The following RGL1 variants were observed in gnomAD, a reference collection of about 807,000 sequenced individuals.
RGL1 encodes ral guanine nucleotide dissociation stimulator-like 1.
RGL1 carries 24 observed loss-of-function variants against 95.2 expected under a neutral mutation model. The ratio of observed to expected loss-of-function variants is 0.25; its 90% CI spans 0.18 to 0.35. The LOEUF (loss-of-function observed/expected upper bound fraction) is 0.35, where lower values mean the gene tolerates loss of function less well. RGL1 is among the 10% of genes least tolerant of loss of function. RGL1 has a pLI of 1.00. For synonymous variants in RGL1, 329 were observed against 344.9 expected (o/e 0.95, Z 0.51); for missense variants, 715 against 936.3 (o/e 0.76, Z 3.08).
intron 1 of RGL1, among the ~76,000 whole-genome samples, chr1:183,740,350 G>A (rs1657213018): frequency 6.6e-6 from 1 of 152,100 alleles, no homozygotes; most frequent in African/African-American, 2.4e-5. Context: ...GATGGTTTTG[G>A]TTATCAGTTT....
upstream of RGL1, among the ~76,000 whole-genome samples, chr1:183,801,945 C>T (rs569969874): frequency 6.6e-6 from 1 of 152,210 alleles, no homozygotes; most frequent in South Asian, 2.1e-4. Context: ...ATGATCCAGA[C>T]ACCTCCCATT....
chr1:183,908,390 G>A (rs569720803), intron 14 of RGL1, among the ~76,000 whole-genome samples: 13 of 152,170 alleles, frequency 8.5e-5, no homozygotes, highest in Non-Finnish European at 1.6e-4. Context: ...TGATATGGGT[G>A]GTATGAGGCA....
At position 183,770,625 on chromosome 1, in the gene RGL1, C is replaced by G. The variant is rs142683318; in HGVS notation, c.132+28336C>G. On this transcript the variant is annotated intron_variant, in intron 2 of 18. Coordinates refer to the RGL1 transcript ENST00000304685. ...TTTATGTGGCAAGGAAGAAATGTAA[C>G]CATATGTGGGAAAACAGGAATTAGG... 8.8e-3 allele frequency among the ~76,000 whole-genome samples: 1,337 copies of G among 152,126 alleles called. 3 individuals carry two copies. The highest frequency in any genetic ancestry group is 0.014 in the Admixed American group (214 of 15,278).
chr1:183,657,371 T>C (rs1479347503), intron 1 of RGL1, among the ~76,000 whole-genome samples: 28 of 152,338 alleles, frequency 1.8e-4, no homozygotes, highest in African/African-American at 6.5e-4. Flanking sequence ...ACATGTGCCA[T>C]GTTGGTGTGC....
chr1:183,710,112 CT>C, intron 1 of RGL1: 1 of 193,136 alleles, frequency 5.2e-6, no homozygotes, highest in South Asian at 8.7e-5. Context: ...CTATGTGCCA[CT>C]TTCACTCTAC....
intron 2 of RGL1, among the ~76,000 whole-genome samples, chr1:183,790,899 T>C (rs1210583296): frequency 1.4e-5 from 2 of 142,862 alleles, no homozygotes; most frequent in African/African-American, 2.6e-5. Context: ...TATACACACA[T>C]AGCACAGATA....
intron 4 of RGL1, among the ~76,000 whole-genome samples, chr1:183,872,096 C>T (rs764737918): frequency 1.3e-5 from 2 of 152,212 alleles, no homozygotes; most frequent in African/African-American, 2.4e-5. Context: ...TCATTCTACC[C>T]GTGCCCTTTT....
rs189357424 is a variant in RGL1 at position 183,827,371 on chromosome 1, A to G, written c.139-20195A>G. Among the ~76,000 whole-genome samples the G allele has an allele frequency of 2.9e-3, 449 of 152,360 alleles. 3 individuals are homozygous for G. Among genetic ancestry groups the G allele is most frequent in the African/African-American group, 0.01 (432 of 41,590 alleles). On this transcript the variant is annotated intron_variant, in intron 2 of 17. Coordinates refer to ENST00000360851, the MANE Select transcript of RGL1 (RefSeq NM_001297671.3). ...TAACCCAAAGGTGTGGAATTAACCC[A>G]AAGGTGTGGAGCTACAGAGAAATAT...
rs1665396282 is a variant in RGL1, at chr1:183,859,854, G to A, written c.348-6142G>A. On this transcript the variant is annotated intron_variant, in intron 3 of 17. Transcript: ENST00000360851. ...TGGTAACAAGACCTTTCCAAGGTAG[G>A]CTTGGTGGCTGTGACCCAGTTCTCA... Among the ~76,000 whole-genome samples the A allele has an allele frequency of 2.0e-5, 3 of 152,302 alleles. No individual in the cohort carries two copies. The South Asian group carries it at 6.2e-4, about 32-fold the overall frequency.
intron 16 of RGL1, among the ~76,000 whole-genome samples, 159 bp downstream of exon 16, chr1:183,916,860 C>G (rs747634583): frequency 3.3e-5 from 5 of 152,068 alleles, no homozygotes; most frequent in Non-Finnish European, 7.4e-5. Flanking sequence ...CCAGGTCTCC[C>G]TGGGCATAGA....
In RGL1 at chr1:183,734,595, T is replaced by C. The variant is rs906828365; in HGVS notation, c.-32-7531T>C. On this transcript the variant is annotated intron_variant, in intron 1 of 18. Coordinates refer to the RGL1 transcript ENST00000304685. ...CTTGATAAAAATTAGCCTGTGACTATTGAACTGGATGATGCTCTCCTAATG... is the reference window on the plus strand; with the variant it reads ...CTTGATAAAAATTAGCCTGTGACTACTGAACTGGATGATGCTCTCCTAATG... 3.9e-5 allele frequency among the ~76,000 whole-genome samples: 6 copies of C among 152,338 alleles called. No homozygotes were observed. In the East Asian group the frequency reaches 5.8e-4, roughly 15 times the overall value.
At chr1:183,688,230 A>G (rs1279901974) in intron 1 of RGL1, among the ~76,000 whole-genome samples, 1 of 152,164 alleles carries the variant, frequency 6.6e-6, no homozygotes, top group Non-Finnish European at 1.5e-5. Flanking sequence ...GTGGTCCCAG[A>G]ACTCCAATGG....
chr1:183,900,394 C>A (rs1667947168), intron 11 of RGL1, among the ~76,000 whole-genome samples, 158 bp downstream of exon 11: 1 of 152,164 alleles, frequency 6.6e-6, no homozygotes, highest in African/African-American at 2.4e-5. Flanking sequence ...AAGACTAACA[C>A]CAGAAGTGGC....
intron 1 of RGL1, among the ~76,000 whole-genome samples, chr1:183,740,856 G>A (rs758915918): frequency 1.3e-5 from 2 of 152,126 alleles, no homozygotes; most frequent in Non-Finnish European, 2.9e-5. Flanking sequence ...CATTTATTTA[G>A]TACTTACTCT....
At chr1:183,915,665 G>T (rs1047419180) in intron 15 of RGL1, among the ~76,000 whole-genome samples, 1 of 152,262 alleles carries the variant, frequency 6.6e-6, no homozygotes, top group African/African-American at 2.4e-5. Context: ...TCACAAGACA[G>T]TTGTGGAATT....
intron 1 of RGL1, among the ~76,000 whole-genome samples, chr1:183,737,492 G>A (rs1195396040): frequency 1.3e-5 from 2 of 151,082 alleles, no homozygotes; most frequent in Non-Finnish European, 2.9e-5. Flanking sequence ...GCTCATGCCT[G>A]TAATCTTAGT....
chr1:183,735,226 A>G (rs1331113232), intron 1 of RGL1, among the ~76,000 whole-genome samples: 1 of 152,196 alleles, frequency 6.6e-6, no homozygotes, highest in East Asian at 1.9e-4. Flanking sequence ...AACAGGAGAC[A>G]GTTGCTCCCA....
At chr1:183,828,938 C>A (rs1663069490) in intron 2 of RGL1, among the ~76,000 whole-genome samples, 1 of 152,172 alleles carries the variant, frequency 6.6e-6, no homozygotes. Context: ...TAACACTGTG[C>A]TCAGTAGAAG....
chr1:183,898,672 T>A (rs752956643), intron 10 of RGL1, among the ~76,000 whole-genome samples: 3 of 152,348 alleles, frequency 2.0e-5, no homozygotes, highest in Admixed American at 6.5e-5. Flanking sequence ...TTCACAGTGT[T>A]ACAAACTTTT....
Sources: allele counts gnomAD v4.1 joint callset (sites outside exome capture counted in the v4.1 genomes callset), GRCh38; gene constraint gnomAD v4.1.1; transcripts MANE v1.5; gene names NCBI Gene and HGNC (gene_info 2026-07-23, HGNC 2026-07-21).